Variants in DNAJC7 observed in about 807,000 individuals in gnomAD.
DNAJC7 encodes the protein dnaJ homolog subfamily C member 7.
DNAJC7 carries 18 observed loss-of-function variants against 67.4 expected under a neutral mutation model. The ratio of observed to expected loss-of-function variants is 0.27; its 90% confidence interval spans 0.18 to 0.40. The LOEUF is 0.40. Among genes scored for constraint, DNAJC7 ranks in the 10% least tolerant of loss-of-function variants. DNAJC7 has a pLI of 1.00. For missense variants in DNAJC7, 419 were observed against 613.8 expected (o/e 0.68, Z 3.35); for synonymous variants, 220 against 207.8 (o/e 1.06, Z -0.50).
At chr17:41,992,960 G>A (rs1437415383) in intron 5 of DNAJC7, among the ~76,000 whole-genome samples, 4 of 152,176 alleles carry the variant, frequency 2.6e-5, no homozygotes, top group Admixed American at 2.6e-4. Flanking sequence ...ACAGTAGGCA[G>A]AATTGCTTTC....
chr17:41,994,996 C>T, intron 4 of DNAJC7, 52 bp from the exon 5 acceptor site: 1 of 1,508,244 alleles, frequency 6.6e-7, no homozygotes, highest in African/African-American at 1.4e-5. Flanking sequence ...GTAGATTAAA[C>T]AACCACAAAA....
chr17:41,997,615 T>C (rs60411740), intron 2 of DNAJC7, among the ~76,000 whole-genome samples: 3 of 151,878 alleles, frequency 2.0e-5, no homozygotes, highest in African/African-American at 7.2e-5. Context: ...AACAAACAAA[T>C]AAACAAAAAC....
rs1481615433 is a variant in DNAJC7 at position 41,982,275 on chromosome 17, C to T, written c.1211G>A (p.Arg404Gln). Residue 404 changes from arginine to glutamine, a missense_variant, in exon 11 of 14, where the codon CGG (arginine) becomes CAG (glutamine). Transcript: ENST00000457167. ...TCTACCTGGATGGTGCATCAAGGCC[C>T]GTTTCCGATAAGCTTTCTTGATCTC... is the stretch of plus-strand genomic sequence containing the variant. ...EDEIKKAYRKRALMHHPDRHS... is the reference protein window; with the variant it reads ...EDEIKKAYRKQALMHHPDRHS... 3 of 1,613,908 alleles carry T rather than the reference C, an allele frequency of 1.9e-6. No homozygotes were observed. Among genetic ancestry groups the T allele is most frequent in the Admixed American group, 1.7e-5 (1 of 60,008 alleles).
intron 5 of DNAJC7, among the ~76,000 whole-genome samples, chr17:41,993,685 T>G (rs1555648121): frequency 6.6e-6 from 1 of 152,072 alleles, no homozygotes. Context: ...CCAAGCACCA[T>G]CTAAAGAAGA....
At chr17:41,980,945 T>G (rs1414325114) in intron 12 of DNAJC7, among the ~76,000 whole-genome samples, 4 of 152,158 alleles carry the variant, frequency 2.6e-5, no homozygotes, top group Non-Finnish European at 5.9e-5. Context: ...TCCAGCTACT[T>G]GCCGGCCTTC....
chr17:41,999,557 G>A (rs1322761296), intron 2 of DNAJC7, among the ~76,000 whole-genome samples: 7 of 151,922 alleles, frequency 4.6e-5, no homozygotes, highest in East Asian at 3.9e-4. Flanking sequence ...TTCTTTGGTC[G>A]TCCCCCAGGC....
intron 2 of DNAJC7, 146 bp from the exon 3 acceptor site, chr17:41,997,385 C>T (rs2051690196): frequency 4.9e-6 from 4 of 820,498 alleles, no homozygotes; most frequent in Admixed American, 3.0e-5. Context: ...GTCAGGAGTT[C>T]AAGACCAGCC....
chr17:41,997,804 C>A (rs2143248986), intron 2 of DNAJC7, among the ~76,000 whole-genome samples: 1 of 152,238 alleles, frequency 6.6e-6, no homozygotes, highest in East Asian at 1.9e-4. Flanking sequence ...CCTTAGCCTC[C>A]CAAGCAGCCA....
At chr17:41,988,509 C>T (rs1412640430) in intron 8 of DNAJC7, among the ~76,000 whole-genome samples, 1 of 152,234 alleles carries the variant, frequency 6.6e-6, no homozygotes, top group African/African-American at 2.4e-5. Context: ...GGAAAGGGAC[C>T]TTAATGAACA....
At chr17:41,993,874 T>TA (rs371324143) in intron 5 of DNAJC7, among the ~76,000 whole-genome samples, 104,426 of 138,956 alleles carry the variant, frequency 0.75, 40,208 homozygotes, top group East Asian at 0.86. Context: ...CCGTCTCTAC[T>TA]AAAAAAAAAA....
At chr17:41,978,566 T>C (rs114271759) in intron 12 of DNAJC7, among the ~76,000 whole-genome samples, 3,310 of 152,218 alleles carry the variant, frequency 0.022, 131 homozygotes, top group African/African-American at 0.075. Context: ...GTGCCCCTAC[T>C]TAAAACTTCA....
chr17:42,000,156 T>C (rs147994838), intron 2 of DNAJC7, among the ~76,000 whole-genome samples: 240 of 148,396 alleles, frequency 1.6e-3, no homozygotes, highest in Non-Finnish European at 2.9e-3. Flanking sequence ...TCTTGCTTTG[T>C]TGCCCAGGTT....
chr17:41,994,137 A>T (rs2051590153), intron 5 of DNAJC7, among the ~76,000 whole-genome samples: 1 of 152,020 alleles, frequency 6.6e-6, no homozygotes, highest in Non-Finnish European at 1.5e-5. Flanking sequence ...GGAGTTTGAG[A>T]CCAGCCTGAC....
chr17:41,992,338 A>G (rs1182402486), intron 5 of DNAJC7, among the ~76,000 whole-genome samples: 1 of 151,824 alleles, frequency 6.6e-6, no homozygotes, highest in Non-Finnish European at 1.5e-5. Flanking sequence ...AGGCCTGGCT[A>G]ATTTTTTGTA....
At position 41,996,395 on chromosome 17, in the gene DNAJC7, G is replaced by C. The variant is rs374391652; in HGVS notation, c.321C>G (p.Leu107=). The change falls in exon 4 of 14, where the codon CTC becomes CTG. Residue 107 remains leucine (L), a synonymous_variant. Transcript: ENST00000457167. ...ATGCTGCCATGGCATTCCCCAGAGA[G>C]AGGTGGCACTTGCCCTCTCGTAGAT... is the stretch of plus-strand genomic sequence containing the variant. ...RGHLREGKCH[L]SLGNAMAACR... is the part of the protein sequence containing the mutation. The C allele has an allele frequency of 2.9e-5, 46 of 1,613,938 alleles. No homozygotes were observed. The highest frequency in any genetic ancestry group is 3.6e-5 in the Non-Finnish European group (43 of 1,179,890).
chr17:41,979,547 C>T (rs36134190), intron 12 of DNAJC7, among the ~76,000 whole-genome samples: 51,755 of 148,808 alleles, frequency 0.35, 10,843 homozygotes, highest in South Asian at 0.53. Context: ...GGGTGGATGC[C>T]TGTAATCCCA....
chr17:41,981,899 T>C lies in DNAJC7; in HGVS notation c.1340A>G (p.Tyr447Cys). 4 of 1,614,028 alleles carry C rather than the reference T, an allele frequency of 2.5e-6. No homozygotes were observed. The highest frequency in any genetic ancestry group is 3.4e-6 in the Non-Finnish European group (4 of 1,179,888). ...ILSDPKKKTRYDSGQDLDEEG... is the reference protein window; with the variant it reads ...ILSDPKKKTRCDSGQDLDEEG... ...CTCATCTAGGTCCTGTCCACTGTCA[T>C]AGCGAGTCTTTTTCTTGGGATCAGA... The change falls in exon 12 of 14, where the codon TAT becomes TGT. Residue 447 changes from tyrosine (Y) to cysteine (C), a missense_variant. Coordinates refer to ENST00000457167, the MANE Select transcript of DNAJC7 (RefSeq NM_003315.4).
At chr17:42,011,417 C>A (rs975429315) in intron 1 of DNAJC7, 4 of 152,228 alleles carry the variant, frequency 2.6e-5, no homozygotes, top group Non-Finnish European at 4.4e-5. Context: ...TCTTGTTTCT[C>A]TGGCACTAGT....
chr17:41,983,717 G>T, intron 9 of DNAJC7, 81 bp from the exon 10 acceptor site: 1 of 1,264,230 alleles, frequency 7.9e-7, no homozygotes, highest in Non-Finnish European at 1.1e-6. Context: ...CAAGAGGCAT[G>T]GCTCAAGCAA....
Sources: gnomAD v4.1 joint callset for allele counts (sites outside exome capture counted in the v4.1 genomes callset) on GRCh38, gnomAD v4.1.1 for gene constraint, MANE v1.5 for transcripts, NCBI Gene and HGNC (gene_info 2026-07-23, HGNC 2026-07-21) for gene names.